MS4A4E: variants seen among roughly 807,000 people sequenced by gnomAD.
MS4A4E encodes the protein membrane spanning 4-domains A4E, also known as putative membrane-spanning 4-domains subfamily A member 4E.
In MS4A4E, 23 loss-of-function variants were observed where a neutral mutation model predicts 13.3. The ratio of observed to expected loss-of-function variants is 1.73; its 90% confidence interval spans 1.25 to 2.45. MS4A4E has a LOEUF of 2.45. MS4A4E is among the 30% of genes most tolerant of loss of function. The probability of loss-of-function intolerance (pLI) is 0.00; values close to 1 mark genes in which losing one functional copy is unlikely to be tolerated. For missense variants in MS4A4E, 144 were observed against 131.2 expected (o/e 1.10, Z -0.48); for synonymous variants, 36 against 45.6 (o/e 0.79, Z 0.85).
intron 3 of MS4A4E, among the ~76,000 whole-genome samples, chr11:60,221,317 G>A (rs1288252802): frequency 5.3e-5 from 8 of 152,186 alleles, no homozygotes; most frequent in Non-Finnish European, 2.9e-5. Context: ...TATGTGATCA[G>A]GCTTGAGCAA....
At chr11:60,207,078 G>A (rs928253389) in intron 6 of MS4A4E, among the ~76,000 whole-genome samples, 8 of 152,140 alleles carry the variant, frequency 5.3e-5, no homozygotes, top group African/African-American at 1.4e-4. Context: ...TCATGCTGAT[G>A]ACATCAACAT....
intron 8 of MS4A4E, among the ~76,000 whole-genome samples, chr11:60,203,381 A>C (rs927497081): frequency 3.3e-5 from 5 of 152,176 alleles, no homozygotes; most frequent in Admixed American, 2.6e-4. Context: ...TTTATAGATG[A>C]GGAAACTGAA....
At chr11:60,227,746 T>C (rs1324651324) in intron 3 of MS4A4E, among the ~76,000 whole-genome samples, 1 of 151,588 alleles carries the variant, frequency 6.6e-6, no homozygotes, top group Non-Finnish European at 1.5e-5. Flanking sequence ...GGCAAAGAAA[T>C]AGACAAATAG....
intron 3 of MS4A4E, chr11:60,224,910 G>T: frequency 3.7e-6 from 5 of 1,335,600 alleles, no homozygotes; most frequent in Non-Finnish European, 4.9e-6. Flanking sequence ...AAAGATCAGG[G>T]TATTTACACC....
chr11:60,234,781 C>CAA (rs1410097080), intron 1 of MS4A4E, among the ~76,000 whole-genome samples: 1 of 118,502 alleles, frequency 8.4e-6, no homozygotes, highest in East Asian at 2.5e-4. Context: ...AAAACAACCC[C>CAA]CCCCCCCAAA....
chr11:60,223,090 C>G (rs2084293103), intron 3 of MS4A4E, among the ~76,000 whole-genome samples: 1 of 151,776 alleles, frequency 6.6e-6, no homozygotes, highest in South Asian at 2.1e-4. Context: ...TTCCTGAAGG[C>G]AAAGGGAATA....
intron 5 of MS4A4E, among the ~76,000 whole-genome samples, chr11:60,211,704 G>C (rs532966120): frequency 5.4e-4 from 82 of 152,330 alleles, no homozygotes; most frequent in Non-Finnish European, 7.3e-5. Flanking sequence ...CCTGAGGTCA[G>C]GAGTTCAAGA....
intron 7 of MS4A4E, among the ~76,000 whole-genome samples, 195 bp from the exon 8 acceptor site, chr11:60,205,153 C>T (rs1459059132): frequency 5.9e-5 from 9 of 152,232 alleles, no homozygotes; most frequent in African/African-American, 2.2e-4. Flanking sequence ...AATATCGCTT[C>T]CTCAAAAAGA....
At chr11:60,227,424 G>A (rs2084357575) in intron 3 of MS4A4E, among the ~76,000 whole-genome samples, 2 of 152,222 alleles carry the variant, frequency 1.3e-5, no homozygotes, top group African/African-American at 2.4e-5. Context: ...AGTGGCAGGC[G>A]CCTGTAGTCC....
chr11:60,217,580 C>T (rs913200737), intron 3 of MS4A4E, among the ~76,000 whole-genome samples: 11 of 152,254 alleles, frequency 7.2e-5, no homozygotes, highest in Non-Finnish European at 1.2e-4. Context: ...ACGGAGGGAC[C>T]GGCTGAAGCC....
Position 60,232,321 on chromosome 11 carries a change from A to ACACACACACACACACC in MS4A4E, c.-16-2251_-16-2250insGGTGTGTGTGTGTGTG, listed in dbSNP as rs556719466. 9.5e-5 allele frequency among the ~76,000 whole-genome samples: 14 copies of ACACACACACACACACC among 147,432 alleles called. No individual in the cohort carries two copies. The East Asian group carries it at 1.6e-3, about 17-fold the overall frequency. ...CACACACACACACACACACACACAC[A>ACACACACACACACACC]CCAAAAATGAATAAACAACTACATT... On this transcript the variant is annotated intron_variant, in intron 1 of 8. Transcript: ENST00000651255.
Position 60,243,077 on chromosome 11 carries a change from TA to T in MS4A4E, c.-137del. On this transcript the variant is annotated 5_prime_UTR_variant, in exon 1 of 9. Transcript: ENST00000651255. ...CCCCCACTCCACACCTCACTCAGTT[TA>T]AATCTGCACTCCTTTTCTAGTAGAT... 1 of 843,532 alleles carries T rather than the reference TA, an allele frequency of 1.2e-6. No homozygotes were observed. Among genetic ancestry groups the T allele is most frequent in the Non-Finnish European group, 1.8e-6 (1 of 548,350 alleles). 52.3% of individuals were successfully genotyped at this position (843,532 alleles called of 1,614,324 possible).
chr11:60,241,158 G>C (rs915650369), intron 1 of MS4A4E, among the ~76,000 whole-genome samples: 2 of 152,092 alleles, frequency 1.3e-5, no homozygotes, highest in East Asian at 3.9e-4. Flanking sequence ...AGAGTAGCTG[G>C]GGCTACCGGC....
chr11:60,212,710 C>T (rs1310998614), intron 5 of MS4A4E, among the ~76,000 whole-genome samples: 1 of 152,088 alleles, frequency 6.6e-6, no homozygotes, highest in Admixed American at 6.5e-5. Flanking sequence ...ATGCAAAATG[C>T]CCAGCCCAGT....
chr11:60,242,916 C>G (rs756087238), intron 1 of MS4A4E, 42 bp downstream of exon 1: 10 of 1,435,126 alleles, frequency 7.0e-6, no homozygotes, highest in Non-Finnish European at 8.7e-6. Context: ...ATGAAACAAA[C>G]TATCAGTCCG....
At chr11:60,241,415 A>G (rs981595121) in intron 1 of MS4A4E, among the ~76,000 whole-genome samples, 4 of 152,124 alleles carry the variant, frequency 2.6e-5, no homozygotes, top group African/African-American at 9.7e-5. Context: ...CTTATCAAAC[A>G]CACTTGGTAG....
In MS4A4E at chr11:60,200,958, C is replaced by G. The variant is rs1206332887; in HGVS notation, c.*585G>C. 6.9e-6 allele frequency among the ~76,000 whole-genome samples: 1 copy of G among 145,064 alleles called. No homozygotes were observed. The highest frequency in any genetic ancestry group is 2.6e-5 in the African/African-American group (1 of 38,854). ...CTCCCTCCCGGACGGGGCGGCTGGC[C>G]GGGTGGGGGGCTGAACCCCCCACCT... On this transcript the variant is annotated 3_prime_UTR_variant, in exon 9 of 9. Coordinates refer to ENST00000651255, the MANE Select transcript of MS4A4E (RefSeq NM_001393391.1).
chr11:60,240,999 T>C (rs1476122232), intron 1 of MS4A4E, among the ~76,000 whole-genome samples: 1 of 34,702 alleles, frequency 2.9e-5, no homozygotes, highest in African/African-American at 9.6e-5. Context: ...TGTGTACTTT[T>C]TATTTATTTA....
intron 3 of MS4A4E, among the ~76,000 whole-genome samples, chr11:60,218,626 C>A (rs537005625): frequency 9.9e-5 from 15 of 151,970 alleles, no homozygotes; most frequent in Non-Finnish European, 2.2e-4. Context: ...TAGTGATGGC[C>A]TTCTCCTCAG....
Sources: gnomAD v4.1 joint callset for allele counts (sites outside exome capture counted in the v4.1 genomes callset) on GRCh38, gnomAD v4.1.1 for gene constraint, MANE v1.5 for transcripts, NCBI Gene and HGNC (gene_info 2026-07-23, HGNC 2026-07-21) for gene names.